Variants in RTF1 observed in about 807,000 individuals in gnomAD.
RTF1 encodes RTF1 homolog, Paf1/RNA polymerase II complex component.
RTF1 carries 10 observed loss-of-function variants against 95.7 expected under a neutral mutation model. The observed-to-expected ratio is 0.10, with a 90% CI of 0.06 to 0.18. The LOEUF (loss-of-function observed/expected upper bound fraction) is 0.18. Among genes scored for constraint, RTF1 ranks in the 10% least tolerant of loss-of-function variants. RTF1 has a pLI of 1.00. For synonymous variants in RTF1, 305 were observed against 311.8 expected (o/e 0.98, Z 0.23); for missense variants, 458 against 875.6 (o/e 0.52, Z 6.02).
intron 4 of RTF1, among the ~76,000 whole-genome samples, chr15:41,458,577 T>C (rs931026020): frequency 1.3e-5 from 2 of 150,468 alleles, no homozygotes; most frequent in Admixed American, 6.7e-5. Flanking sequence ...TGAAAACCCA[T>C]CTCTACTAAA....
At chr15:41,456,268 T>G (rs1230892243) in intron 3 of RTF1, among the ~76,000 whole-genome samples, 1 of 146,010 alleles carries the variant, frequency 6.8e-6, no homozygotes, top group Non-Finnish European at 1.5e-5. Context: ...CGGCGGATCA[T>G]GAGGTCAGGA....
At chr15:41,463,456 A>G (rs2050862224) in intron 4 of RTF1, among the ~76,000 whole-genome samples, 1 of 152,066 alleles carries the variant, frequency 6.6e-6, no homozygotes. Context: ...CCTCTTCACT[A>G]ACACTTTAAC....
At chr15:41,447,466 C>T (rs961537990) in intron 2 of RTF1, among the ~76,000 whole-genome samples, 28 of 152,164 alleles carry the variant, frequency 1.8e-4, no homozygotes, top group African/African-American at 6.3e-4. Flanking sequence ...ATAGTACTCA[C>T]CTTCCTTGTT....
At chr15:41,472,678 T>C (rs931102516) in intron 8 of RTF1, among the ~76,000 whole-genome samples, 38 of 150,862 alleles carry the variant, frequency 2.5e-4, no homozygotes, top group African/African-American at 9.0e-4. Flanking sequence ...CCACCACGCC[T>C]GGCTGATTTT....
At chr15:41,423,075 C>A (rs771651150) in intron 1 of RTF1, among the ~76,000 whole-genome samples, 4 of 151,970 alleles carry the variant, frequency 2.6e-5, no homozygotes, top group Non-Finnish European at 5.9e-5. Flanking sequence ...CCCGGCCAGC[C>A]CTGTAAGTAT....
chr15:41,477,393 C>G, intron 13 of RTF1, 65 bp from the exon 14 acceptor site: 1 of 1,611,662 alleles, frequency 6.2e-7, no homozygotes. Context: ...TATCTGAGTT[C>G]AGGGCTCAGT....
intron 2 of RTF1, among the ~76,000 whole-genome samples, chr15:41,449,114 G>A (rs1334809696): frequency 6.6e-6 from 1 of 151,896 alleles, no homozygotes; most frequent in African/African-American, 2.4e-5. Context: ...TGAACCCTGA[G>A]CTCAAGCAAT....
intron 2 of RTF1, chr15:41,448,720 A>AAAAAC (rs556047871): frequency 2.8e-4 from 43 of 152,082 alleles, no homozygotes; most frequent in Admixed American, 2.6e-3. Context: ...CTCCATCTTG[A>AAAAAC]AAAACAAAAC....
chr15:41,438,101 A>G (rs2050714157), intron 1 of RTF1, among the ~76,000 whole-genome samples: 1 of 152,160 alleles, frequency 6.6e-6, no homozygotes, highest in Non-Finnish European at 1.5e-5. Flanking sequence ...TCAGACATAT[A>G]TTATCCATTG....
intron 2 of RTF1, 89 bp from the exon 3 acceptor site, chr15:41,452,812 C>A: frequency 1.1e-6 from 1 of 931,508 alleles, no homozygotes; most frequent in Non-Finnish European, 1.5e-6. Flanking sequence ...AAGATGAATG[C>A]CAGAGACTCT....
Position 41,474,919 on chromosome 15 carries a change from G to A in RTF1, c.1286+217G>A, listed in dbSNP as rs537876550. Among the ~76,000 whole-genome samples the A allele has an allele frequency of 4.6e-5, 7 of 152,296 alleles. No individual in the cohort carries two copies. The South Asian group carries it at 1.2e-3, about 27-fold the overall frequency. On this transcript the variant is annotated intron_variant, in intron 9 of 17. Coordinates refer to ENST00000389629, the MANE Select transcript of RTF1 (RefSeq NM_015138.5). The stretch of plus-strand genomic sequence containing the variant: ...GGGAACCAAATATATGAAGGGGTAG[G>A]ACACAGAGAAAGGAAATGTGTGGTT...
intron 2 of RTF1, among the ~76,000 whole-genome samples, chr15:41,450,508 C>A (rs570533928): frequency 6.6e-6 from 1 of 151,070 alleles, no homozygotes; most frequent in African/African-American, 2.4e-5. Context: ...TGGCGTGAAC[C>A]GGGGAGGCGG....
rs570205123 is a variant in RTF1 at position 41,476,953 on chromosome 15, C to T, written c.1561-212C>T. ...CCACCAGGGACCCACAGCCAGGTAGCTGTATGGGAAGGTGTTCCCCACTGT... is the reference window on the plus strand; with the variant it reads ...CCACCAGGGACCCACAGCCAGGTAGTTGTATGGGAAGGTGTTCCCCACTGT... On this transcript the variant is annotated intron_variant, in intron 12 of 17. Transcript: ENST00000389629. Among the ~76,000 whole-genome samples the T allele has an allele frequency of 7.8e-4, 119 of 152,364 alleles. 1 individual carries two copies. The South Asian group carries it at 0.015, about 19-fold the overall frequency.
chr15:41,443,255 A>C (rs1481025892), intron 2 of RTF1, among the ~76,000 whole-genome samples: 1 of 152,210 alleles, frequency 6.6e-6, no homozygotes, highest in Non-Finnish European at 1.5e-5. Flanking sequence ...ATAATGTCAT[A>C]TTAGTGAGGA....
chr15:41,436,432 G>A (rs2050702948), intron 1 of RTF1, among the ~76,000 whole-genome samples: 1 of 150,674 alleles, frequency 6.6e-6, no homozygotes, highest in African/African-American at 2.4e-5. Flanking sequence ...ACTCTAGCCT[G>A]GGTGACAGAG....
At chr15:41,430,624 C>T (rs1004404766) in intron 1 of RTF1, among the ~76,000 whole-genome samples, 1 of 151,366 alleles carries the variant, frequency 6.6e-6, no homozygotes, top group African/African-American at 2.4e-5. Context: ...GCCTGTAGTC[C>T]CAGCTACTTG....
intron 1 of RTF1, among the ~76,000 whole-genome samples, chr15:41,428,145 T>C (rs2050646817): frequency 1.3e-5 from 2 of 151,562 alleles, no homozygotes; most frequent in African/African-American, 4.9e-5. Flanking sequence ...TCACCCAAGC[T>C]ACATGGTGGG....
At chr15:41,460,163 C>T (rs1231631781) in intron 4 of RTF1, among the ~76,000 whole-genome samples, 3 of 148,136 alleles carry the variant, frequency 2.0e-5, no homozygotes, top group African/African-American at 7.4e-5. Context: ...ATTCTTGTTG[C>T]CCAGGCTGGA....
chr15:41,437,043 C>T (rs2050707451), intron 1 of RTF1, among the ~76,000 whole-genome samples: 3 of 150,872 alleles, frequency 2.0e-5, no homozygotes, highest in Admixed American at 6.6e-5. Flanking sequence ...GCCGAGATCT[C>T]GCCACTGCAC....
Sources: gnomAD v4.1 joint callset for allele counts (sites outside exome capture counted in the v4.1 genomes callset) on GRCh38, gnomAD v4.1.1 for gene constraint, MANE v1.5 for transcripts, NCBI Gene and HGNC (gene_info 2026-07-23, HGNC 2026-07-21) for gene names.